Variants in DCC observed in about 807,000 individuals in gnomAD.
DCC encodes DCC netrin 1 receptor, also known as netrin receptor DCC.
In DCC, 58 loss-of-function variants were observed where a neutral mutation model predicts 172.5. The ratio of observed to expected loss-of-function variants is 0.34; its 90% CI spans 0.27 to 0.42. DCC has a LOEUF of 0.42. DCC is among the 10% of genes least tolerant of loss of function. The pLI, the probability that DCC is intolerant of heterozygous loss-of-function variation, is 1.00. For missense variants in DCC, 1,740 were observed against 1,791.0 expected (o/e 0.97, Z 0.51); for synonymous variants, 709 against 644.5 (o/e 1.10, Z -1.52).
intron 2 of DCC, among the ~76,000 whole-genome samples, chr18:52,867,765 C>T (rs1407102126): frequency 6.6e-6 from 1 of 151,994 alleles, no homozygotes; most frequent in Non-Finnish European, 1.5e-5. Context: ...TGACTTATGA[C>T]CCTATAGCGT....
intron 7 of DCC, among the ~76,000 whole-genome samples, chr18:53,086,534 CTTCTTCTTCT>C (rs1299541456): frequency 7.9e-5 from 4 of 50,794 alleles, no homozygotes; most frequent in Admixed American, 6.1e-4. Context: ...CTTCCTTCTT[CTTCTTCTTCT>C]TTCTTCTTCT....
At position 52,940,119 on chromosome 18, in the gene DCC, G is replaced by C. The variant is rs2040437577; in HGVS notation, c.985+14749G>C. Among the ~76,000 whole-genome samples the C allele has an allele frequency of 2.0e-5, 3 of 152,132 alleles. No homozygotes were observed. In the South Asian group the frequency reaches 6.2e-4, roughly 32 times the overall value. ...CCAAGTGATTCTTAAACACTGCTTT[G>C]AGAAAAGGAAGACCATCTGGTGGTA... On this transcript the variant is annotated intron_variant, in intron 5 of 28. Transcript: ENST00000442544.
At chr18:52,939,083 CTG>C (rs2040423726) in intron 5 of DCC, among the ~76,000 whole-genome samples, 2 of 152,184 alleles carry the variant, frequency 1.3e-5, no homozygotes, top group South Asian at 4.1e-4. Flanking sequence ...CTACAAACCA[CTG>C]TGGGATTTGG....
chr18:52,705,613 T>G (rs2036194657), intron 1 of DCC, among the ~76,000 whole-genome samples: 1 of 152,200 alleles, frequency 6.6e-6, no homozygotes, highest in East Asian at 1.9e-4. Context: ...TTCTTTGGAC[T>G]GTGTCCAGTA....
chr18:52,911,730 A>ATT (rs75361413), intron 3 of DCC, among the ~76,000 whole-genome samples: 108 of 149,604 alleles, frequency 7.2e-4, no homozygotes, highest in South Asian at 2.5e-3. Flanking sequence ...CATATTTAAC[A>ATT]TTTTTTTTTT....
chr18:52,416,192 T>A (rs1438120079), intron 1 of DCC, among the ~76,000 whole-genome samples: 2 of 152,190 alleles, frequency 1.3e-5, no homozygotes, highest in South Asian at 2.1e-4. Context: ...TTTGAGTGAG[T>A]TTCTTAATCC....
chr18:53,067,521 C>CA (rs919421353), intron 7 of DCC, among the ~76,000 whole-genome samples: 8 of 151,954 alleles, frequency 5.3e-5, no homozygotes, highest in African/African-American at 1.5e-4. Flanking sequence ...GACTCTGTCA[C>CA]AAAAAACACA....
chr18:52,917,768 C>T (rs905818305), intron 3 of DCC, among the ~76,000 whole-genome samples: 1 of 152,122 alleles, frequency 6.6e-6, no homozygotes, highest in Non-Finnish European at 1.5e-5. Context: ...GTACTGCCAC[C>T]AGGATAACAA....
rs1487831331 is a variant in DCC at position 53,428,417 on chromosome 18, A to G, written c.3164-6727A>G. On this transcript the variant is annotated intron_variant, in intron 21 of 28. Coordinates refer to ENST00000442544, the MANE Select transcript of DCC (RefSeq NM_005215.4). ...ATATAATATAATATATTACATATAT[A>G]ATATAATATATTACATATATAATAT... 2.1e-4 allele frequency among the ~76,000 whole-genome samples: 9 copies of G among 41,944 alleles called. No individual in the cohort carries two copies. In the South Asian group the frequency reaches 3.4e-3, roughly 16 times the overall value. The allele number at this position is 41,944 out of a possible 152,430, so 27.5% of individuals were successfully genotyped here.
At chr18:53,088,651 A>T (rs947337376) in intron 7 of DCC, among the ~76,000 whole-genome samples, 2 of 152,198 alleles carry the variant, frequency 1.3e-5, no homozygotes, top group African/African-American at 4.8e-5. Flanking sequence ...GGATCAACAG[A>T]ATTGATAGAC....
intron 1 of DCC, among the ~76,000 whole-genome samples, chr18:52,749,357 A>T (rs1457874233): frequency 2.6e-5 from 4 of 152,086 alleles, no homozygotes; most frequent in African/African-American, 9.6e-5. Flanking sequence ...TTCACTGGGG[A>T]CCCACCCCTG....
intron 7 of DCC, among the ~76,000 whole-genome samples, chr18:53,145,301 G>C (rs974215382): frequency 1.3e-5 from 2 of 151,996 alleles, no homozygotes; most frequent in African/African-American, 4.8e-5. Context: ...TTTTGGAAGA[G>C]ACGGGGTTTC....
chr18:52,766,857 G>C (rs8083645), intron 2 of DCC, among the ~76,000 whole-genome samples: 31,785 of 151,768 alleles, frequency 0.21, 4,744 homozygotes, highest in African/African-American at 0.42. Flanking sequence ...GTCAGGGACC[G>C]ACCCTTTTCT....
chr18:53,522,522 T>C (rs1425598038), intron 27 of DCC, among the ~76,000 whole-genome samples: 1 of 152,114 alleles, frequency 6.6e-6, no homozygotes, highest in Non-Finnish European at 1.5e-5. Flanking sequence ...CAAACTATAC[T>C]ACAAGGCTAC....
chr18:52,449,568 T>G (rs1367733006), intron 1 of DCC, among the ~76,000 whole-genome samples: 1 of 152,214 alleles, frequency 6.6e-6, no homozygotes, highest in East Asian at 1.9e-4. Flanking sequence ...AATGAAACGA[T>G]GACACTTGGG....
chr18:52,517,554 A>T (rs1330879789), intron 1 of DCC, among the ~76,000 whole-genome samples: 6 of 152,134 alleles, frequency 3.9e-5, no homozygotes, highest in Non-Finnish European at 8.8e-5. Flanking sequence ...CCAAATAGCA[A>T]CTCCTTAGGT....
chr18:53,089,912 T>C (rs896728534), intron 7 of DCC, among the ~76,000 whole-genome samples: 4 of 152,250 alleles, frequency 2.6e-5, no homozygotes, highest in Admixed American at 2.6e-4. Flanking sequence ...TTATTTTTCA[T>C]TAACTTGTGT....
intron 5 of DCC, among the ~76,000 whole-genome samples, chr18:53,046,966 T>C (rs1314102766): frequency 1.3e-5 from 2 of 151,586 alleles, no homozygotes; most frequent in Admixed American, 6.6e-5. Flanking sequence ...CCTGTGTTTG[T>C]TCTCCTTTCA....
intron 1 of DCC, among the ~76,000 whole-genome samples, chr18:52,642,961 A>G (rs1423391998): frequency 6.6e-6 from 1 of 152,164 alleles, no homozygotes; most frequent in Non-Finnish European, 1.5e-5. Flanking sequence ...CCCTAATAAG[A>G]TTTTTGAGGA....
Sources: gnomAD v4.1 joint callset for allele counts (sites outside exome capture counted in the v4.1 genomes callset) on GRCh38, gnomAD v4.1.1 for gene constraint, MANE v1.5 for transcripts, NCBI Gene and HGNC (gene_info 2026-07-23, HGNC 2026-07-21) for gene names.